DLGAP2: variants seen among roughly 807,000 people sequenced by gnomAD.
DLGAP2 encodes DLG associated protein 2.
In DLGAP2, 26 loss-of-function variants were observed where a neutral mutation model predicts 100.3. The ratio of observed to expected loss-of-function variants is 0.26; its 90% CI spans 0.19 to 0.36. The LOEUF is 0.36. Ranked by LOEUF, DLGAP2 falls within the 10% of genes least tolerant of loss-of-function variation. The probability of loss-of-function intolerance (pLI) is 1.00; values close to 1 mark genes in which losing one functional copy is unlikely to be tolerated. For synonymous variants in DLGAP2, 886 were observed against 630.1 expected (o/e 1.41, Z -6.08); for missense variants, 1,858 against 1,453.2 (o/e 1.28, Z -4.53).
intron 2 of DLGAP2, among the ~76,000 whole-genome samples, chr8:1,092,108 G>A (rs1804204128): frequency 6.6e-6 from 1 of 152,152 alleles, no homozygotes; most frequent in African/African-American, 2.4e-5. Context: ...ACTCTCATGG[G>A]AGCGGCCGGT....
intron 2 of DLGAP2, among the ~76,000 whole-genome samples, chr8:1,179,608 C>A (rs1437583776): frequency 3.3e-5 from 5 of 152,214 alleles, no homozygotes; most frequent in East Asian, 3.8e-4. Context: ...CTCCAAGTTG[C>A]CTTTGCATGC....
At chr8:1,206,566 CCG>C (rs879478231) in intron 2 of DLGAP2, among the ~76,000 whole-genome samples, 39,512 of 140,426 alleles carry the variant, frequency 0.28, 6,474 homozygotes, top group African/African-American at 0.41. Flanking sequence ...CTCCAGCCAT[CCG>C]TGGGCGGGGG....
intron 1 of DLGAP2, among the ~76,000 whole-genome samples, chr8:902,507 C>G (rs1002935766): frequency 7.0e-6 from 1 of 142,700 alleles, no homozygotes; most frequent in African/African-American, 2.7e-5. Context: ...GGGTGCCCTG[C>G]GTGAGGGTGA....
chr8:1,550,052 A>G (rs915756386), intron 5 of DLGAP2, among the ~76,000 whole-genome samples: 1 of 152,078 alleles, frequency 6.6e-6, no homozygotes, highest in Non-Finnish European at 1.5e-5. Flanking sequence ...TCTGGTAACC[A>G]CGGTTCCACT....
chr8:1,280,530 G>A (rs923370412), intron 3 of DLGAP2, among the ~76,000 whole-genome samples: 21 of 152,336 alleles, frequency 1.4e-4, no homozygotes, highest in African/African-American at 4.3e-4. Flanking sequence ...TATAAAGGAG[G>A]AGGGATTTCT....
chr8:998,704 A>T (rs1343102018), intron 2 of DLGAP2, among the ~76,000 whole-genome samples: 1 of 152,122 alleles, frequency 6.6e-6, no homozygotes, highest in Admixed American at 6.5e-5. Flanking sequence ...TTCCTAGGTG[A>T]GAATGCCTGC....
At chr8:1,024,030 C>G (rs1801708166) in intron 2 of DLGAP2, among the ~76,000 whole-genome samples, 1 of 151,994 alleles carries the variant, frequency 6.6e-6, no homozygotes, top group Admixed American at 6.6e-5. Flanking sequence ...CCTCATGCCT[C>G]TGTCCAGGTG....
At chr8:1,411,541 G>A (rs968000695) in intron 3 of DLGAP2, among the ~76,000 whole-genome samples, 10 of 152,128 alleles carry the variant, frequency 6.6e-5, no homozygotes, top group Admixed American at 4.6e-4. Context: ...AAACTGTGCC[G>A]GTAGAGCCTT....
At chr8:1,230,686 A>G (rs1226100584) in intron 2 of DLGAP2, among the ~76,000 whole-genome samples, 1 of 152,188 alleles carries the variant, frequency 6.6e-6, no homozygotes, top group Non-Finnish European at 1.5e-5. Context: ...CAGAATATAC[A>G]ACCCAGAAAT....
At chr8:1,304,213 C>T (rs1269446331) in intron 3 of DLGAP2, among the ~76,000 whole-genome samples, 1 of 152,204 alleles carries the variant, frequency 6.6e-6, no homozygotes, top group African/African-American at 2.4e-5. Flanking sequence ...GCTTTTGTGT[C>T]CACGCTGGAC....
intron 2 of DLGAP2, among the ~76,000 whole-genome samples, chr8:997,408 C>T (rs1032169246): frequency 6.6e-6 from 1 of 152,130 alleles, no homozygotes; most frequent in African/African-American, 2.4e-5. Context: ...AAAAGATACA[C>T]ATGTTATAAG....
intron 2 of DLGAP2, among the ~76,000 whole-genome samples, chr8:1,112,852 C>G (rs1319498653): frequency 6.6e-6 from 1 of 152,172 alleles, no homozygotes; most frequent in African/African-American, 2.4e-5. Flanking sequence ...ACATTTAAGT[C>G]TTTAATCCAT....
chr8:902,193 C>T (rs544475666), intron 1 of DLGAP2, among the ~76,000 whole-genome samples: 1 of 152,306 alleles, frequency 6.6e-6, no homozygotes, highest in African/African-American at 2.4e-5. Context: ...CTCCCCTCCT[C>T]GGGCGCCCAG....
intron 4 of DLGAP2, among the ~76,000 whole-genome samples, chr8:1,522,247 C>T (rs1268447171): frequency 2.0e-5 from 3 of 152,238 alleles, no homozygotes; most frequent in Non-Finnish European, 4.4e-5. Flanking sequence ...GCACCAGCAT[C>T]CTGCCGTATA....
At chr8:1,271,542 C>T (rs1446375101) in intron 3 of DLGAP2, among the ~76,000 whole-genome samples, 1 of 152,048 alleles carries the variant, frequency 6.6e-6, no homozygotes, top group Non-Finnish European at 1.5e-5. Flanking sequence ...GTTGTACATC[C>T]GAGAAACATC....
At chr8:856,771 A>G (rs4735944) in intron 1 of DLGAP2, among the ~76,000 whole-genome samples, 124,999 of 152,238 alleles carry the variant, frequency 0.82, 52,453 homozygotes, top group South Asian at 0.93. Flanking sequence ...TGGACAGGAA[A>G]ATCCGTGCTG....
intron 2 of DLGAP2, among the ~76,000 whole-genome samples, chr8:1,196,439 A>G (rs1376794183): frequency 6.6e-6 from 1 of 152,200 alleles, no homozygotes; most frequent in African/African-American, 2.4e-5. Flanking sequence ...GAGTGAGTGA[A>G]CGAGACAGTG....
intron 2 of DLGAP2, among the ~76,000 whole-genome samples, chr8:924,097 C>T (rs1502994): frequency 0.14 from 20,675 of 152,076 alleles, 1,659 homozygotes; most frequent in East Asian, 0.28. Context: ...GAGAAGTGCA[C>T]GTTTGGAGGG....
intron 1 of DLGAP2, among the ~76,000 whole-genome samples, chr8:789,154 C>T (rs760978289): frequency 1.3e-5 from 2 of 152,142 alleles, no homozygotes; most frequent in African/African-American, 4.8e-5. Flanking sequence ...CTTCTGTTCC[C>T]GTTACCATGT....
Sources: gnomAD v4.1 joint callset for allele counts (sites outside exome capture counted in the v4.1 genomes callset) on GRCh38, gnomAD v4.1.1 for gene constraint, MANE v1.5 for transcripts, NCBI Gene and HGNC (gene_info 2026-07-23, HGNC 2026-07-21) for gene names.